Variants in QKI observed in about 807,000 individuals in gnomAD.
QKI encodes the protein KH domain-containing RNA-binding protein QKI.
Under a neutral mutation model 39.0 loss-of-function variants are expected in QKI, and 10 were observed. The observed-to-expected ratio is 0.26, with a 90% CI of 0.16 to 0.43. The LOEUF (loss-of-function observed/expected upper bound fraction) is 0.43, where lower values mean the gene tolerates loss of function less well. QKI is among the 20% of genes least tolerant of loss of function. The pLI is 1.00. For synonymous variants in QKI, 204 were observed against 155.4 expected (o/e 1.31, Z -2.33); for missense variants, 218 against 428.0 (o/e 0.51, Z 4.33).
chr6:163,568,247 T>G lies in QKI; in HGVS notation c.1009+1452T>G, dbSNP rs912244541. The G allele has an allele frequency of 4.1e-6, 4 of 985,022 alleles. No homozygotes were observed. The African/African-American group carries it at 7.0e-5, about 17-fold the overall frequency. The allele number at this position is 985,022 out of a possible 1,614,324, so 61.0% of individuals were successfully genotyped here. A position where few individuals can be genotyped will look rare whatever the true frequency, so the allele number is the denominator to read the frequency against. On this transcript the variant is annotated intron_variant, in intron 7 of 7. Transcript: ENST00000361752. Reference sequence around the variant, plus strand: ...GTTCTAAAGAGTATTTTAAAGTAGTTTTTTTCCCCCAGCTAATCTTTCCCT... The same window carrying G: ...GTTCTAAAGAGTATTTTAAAGTAGTGTTTTTCCCCCAGCTAATCTTTCCCT...
At chr6:163,424,498 A>C (rs2759384) in intron 1 of QKI, among the ~76,000 whole-genome samples, 35,657 of 152,056 alleles carry the variant, frequency 0.23, 4,391 homozygotes, top group Middle Eastern at 0.29. Context: ...GAGATAACTA[A>C]TGTCTCTGAA....
At chr6:163,468,857 C>T (rs760808651) in intron 2 of QKI, among the ~76,000 whole-genome samples, 1 of 151,310 alleles carries the variant, frequency 6.6e-6, no homozygotes, top group Non-Finnish European at 1.5e-5. Context: ...GCAAGGCAAA[C>T]GATATTAACC....
At chr6:163,477,377 G>C (rs1262898976) in intron 2 of QKI, among the ~76,000 whole-genome samples, 2 of 152,126 alleles carry the variant, frequency 1.3e-5, no homozygotes, top group Non-Finnish European at 1.5e-5. Context: ...TAGAATCTGT[G>C]TGCTCTCAGA....
chr6:163,542,038 G>A (rs1781553395), intron 4 of QKI, among the ~76,000 whole-genome samples: 1 of 151,894 alleles, frequency 6.6e-6, no homozygotes, highest in African/African-American at 2.4e-5. Flanking sequence ...ACCATACCAG[G>A]AGAGAGTACT....
At position 163,534,935 on chromosome 6, in the gene QKI, C is replaced by T. The variant is rs112675546; in HGVS notation, c.403-47C>T. 593 of 1,454,698 alleles carry T rather than the reference C, an allele frequency of 4.1e-4. 4 individuals carry two copies. The African/African-American group carries it at 7.5e-3, about 18-fold the overall frequency. 90.1% of individuals were successfully genotyped at this position (1,454,698 alleles called of 1,614,324 possible). A position where few individuals can be genotyped will look rare whatever the true frequency, so the allele number is the denominator to read the frequency against. ...GTTAGTATTATGAAAGATGTGCTCT[C>T]TCTTTAAAGAGAATAATTTTAATCA... On this transcript the variant is annotated intron_variant, in intron 3 of 7. Coordinates refer to ENST00000361752, the MANE Select transcript of QKI (RefSeq NM_006775.3).
chr6:163,549,619 CA>C (rs1782107734), intron 4 of QKI, among the ~76,000 whole-genome samples: 1 of 152,072 alleles, frequency 6.6e-6, no homozygotes, highest in Non-Finnish European at 1.5e-5. Flanking sequence ...AGCTGAGGCA[CA>C]AGAATCATTT....
intron 3 of QKI, among the ~76,000 whole-genome samples, chr6:163,528,390 T>C (rs1202592802): frequency 2.0e-5 from 3 of 152,160 alleles, no homozygotes; most frequent in South Asian, 4.1e-4. Flanking sequence ...AGGTGATATG[T>C]TGTGCTAGGA....
At chr6:163,417,912 G>A (rs1012209663) in intron 1 of QKI, among the ~76,000 whole-genome samples, 7 of 152,162 alleles carry the variant, frequency 4.6e-5, no homozygotes, top group Non-Finnish European at 1.0e-4. Flanking sequence ...GCGGCTTCCT[G>A]TAATTGTTAG....
Position 163,576,706 on chromosome 6 carries a change from A to C in QKI, c.*5996A>C, listed in dbSNP as rs1005424767. 2 of 152,194 alleles carry C rather than the reference A, an allele frequency of 1.3e-5. No homozygotes were observed. The highest frequency in any genetic ancestry group is 6.5e-5 in the Admixed American group (1 of 15,276). The allele number at this position is 152,194 out of a possible 1,614,324, so 9.4% of individuals were successfully genotyped here. ...TGCTTCATCCTCTCAAGCCAACTGCAGCTGGAAAGTGCTGCTTATCCTCCA... is the reference window on the plus strand; with the variant it reads ...TGCTTCATCCTCTCAAGCCAACTGCCGCTGGAAAGTGCTGCTTATCCTCCA... On this transcript the variant is annotated 3_prime_UTR_variant, in exon 8 of 8. Coordinates refer to ENST00000361752, the MANE Select transcript of QKI (RefSeq NM_006775.3).
intron 1 of QKI, among the ~76,000 whole-genome samples, chr6:163,431,843 A>C (rs1443520521): frequency 6.6e-6 from 1 of 151,838 alleles, no homozygotes; most frequent in Non-Finnish European, 1.5e-5. Context: ...AAAAAAAAAA[A>C]AAACCCTGTA....
At chr6:163,460,252 G>A (rs1359101320) in intron 2 of QKI, among the ~76,000 whole-genome samples, 1 of 152,120 alleles carries the variant, frequency 6.6e-6, no homozygotes, top group Non-Finnish European at 1.5e-5. Flanking sequence ...TTTTTAAAAT[G>A]GGATTTAATT....
intron 2 of QKI, among the ~76,000 whole-genome samples, chr6:163,469,226 A>G (rs1219221444): frequency 6.6e-6 from 1 of 152,102 alleles, no homozygotes; most frequent in Non-Finnish European, 1.5e-5. Context: ...CCAGCCAAGG[A>G]GGGTTAATAC....
intron 7 of QKI, chr6:163,568,320 A>G (rs1783495298): frequency 1.2e-5 from 12 of 985,354 alleles, no homozygotes; most frequent in East Asian, 1.1e-4. Context: ...CTTTAACACA[A>G]TAATTATTGG....
intron 1 of QKI, among the ~76,000 whole-genome samples, chr6:163,422,660 G>T (rs1005644738): frequency 1.3e-5 from 2 of 152,158 alleles, no homozygotes; most frequent in Non-Finnish European, 2.9e-5. Context: ...GTAAGTAAAG[G>T]GCATGTGTGT....
intron 4 of QKI, among the ~76,000 whole-genome samples, chr6:163,547,665 C>G (rs1781971719): frequency 6.6e-6 from 1 of 152,110 alleles, no homozygotes; most frequent in African/African-American, 2.4e-5. Flanking sequence ...TACTTGTTGC[C>G]TAGGACTCAT....
intron 1 of QKI, among the ~76,000 whole-genome samples, chr6:163,418,978 T>C (rs1274338574): frequency 6.6e-6 from 1 of 152,098 alleles, no homozygotes; most frequent in Non-Finnish European, 1.5e-5. Flanking sequence ...ATAAAAAATG[T>C]GTAATGAGGA....
At chr6:163,564,829 T>A in intron 6 of QKI, 1 of 1,574,236 alleles carries the variant, frequency 6.4e-7, no homozygotes, top group Non-Finnish European at 8.6e-7. Flanking sequence ...CTTTTTTTCC[T>A]GAATTGTATA....
chr6:163,510,012 T>C (rs1257084733), intron 3 of QKI, among the ~76,000 whole-genome samples: 4 of 151,846 alleles, frequency 2.6e-5, no homozygotes, highest in Non-Finnish European at 5.9e-5. Flanking sequence ...CTCAGGAGTT[T>C]GAAACCAGTC....
chr6:163,481,622 C>G (rs1328753786), intron 3 of QKI, among the ~76,000 whole-genome samples: 2 of 152,138 alleles, frequency 1.3e-5, no homozygotes, highest in Non-Finnish European at 2.9e-5. Flanking sequence ...CTATATTATT[C>G]TAAGCTGCTG....
Sources: gnomAD v4.1 joint callset for allele counts (sites outside exome capture counted in the v4.1 genomes callset) on GRCh38, gnomAD v4.1.1 for gene constraint, MANE v1.5 for transcripts, NCBI Gene and HGNC (gene_info 2026-07-23, HGNC 2026-07-21) for gene names.